VPS8: variants seen among roughly 807,000 people sequenced by gnomAD.
VPS8 encodes VPS8 subunit of CORVET complex.
In VPS8, 129 loss-of-function variants were observed where a neutral mutation model predicts 216.4. The ratio of observed to expected loss-of-function variants is 0.60; its 90% CI spans 0.52 to 0.69. The LOEUF is 0.69. VPS8 is among the 30% of genes least tolerant of loss of function. The probability of loss-of-function intolerance (pLI) is 0.00; values close to 1 mark genes in which losing one functional copy is unlikely to be tolerated. For missense variants in VPS8, 1,531 were observed against 1,683.5 expected, an observed-to-expected ratio of 0.91 and a Z score of 1.59; for synonymous variants, 571 against 565.4, an observed-to-expected ratio of 1.01 and a Z score of -0.14.
chr3:184,829,938 C>T (rs906140689), intron 3 of VPS8, among the ~76,000 whole-genome samples: 3 of 151,864 alleles, frequency 2.0e-5, no homozygotes, highest in African/African-American at 2.4e-5. Context: ...CATATTTTAT[C>T]TTCTTTCTTT....
chr3:184,815,393 A>G (rs1175834084), intron 1 of VPS8, among the ~76,000 whole-genome samples: 1 of 152,174 alleles, frequency 6.6e-6, no homozygotes, highest in East Asian at 1.9e-4. Context: ...CAGCTGTGAC[A>G]TCACTGGGCT....
intron 1 of VPS8, among the ~76,000 whole-genome samples, chr3:184,814,667 G>A (rs528465613): frequency 3.3e-5 from 5 of 152,340 alleles, no homozygotes; most frequent in South Asian, 2.1e-4. Flanking sequence ...TACCATGGAT[G>A]GAGTTTGCAG....
At chr3:184,892,820 A>G (rs1732619764) in intron 22 of VPS8, among the ~76,000 whole-genome samples, 1 of 152,130 alleles carries the variant, frequency 6.6e-6, no homozygotes, top group Non-Finnish European at 1.5e-5. Flanking sequence ...TCTCTCCCCA[A>G]GGCTTTTTGT....
At chr3:184,876,823 C>G (rs540471483) in intron 21 of VPS8, among the ~76,000 whole-genome samples, 88 of 152,286 alleles carry the variant, frequency 5.8e-4, no homozygotes, top group Middle Eastern at 6.8e-3. Flanking sequence ...TTATAGAATT[C>G]TCCAAATCGA....
At chr3:184,849,285 C>T (rs1015046445) in intron 9 of VPS8, 90 bp downstream of exon 9, 18 of 1,440,748 alleles carry the variant, frequency 1.2e-5, no homozygotes, top group Admixed American at 1.1e-4. Context: ...GACCAAAATA[C>T]GTGTTATGAA....
At chr3:184,985,953 G>A (rs1219638943) in intron 42 of VPS8, among the ~76,000 whole-genome samples, 1 of 152,194 alleles carries the variant, frequency 6.6e-6, no homozygotes, top group East Asian at 1.9e-4. Flanking sequence ...GGGAGAAAAA[G>A]CTGATGCACA....
At chr3:184,869,551 TA>T in intron 20 of VPS8, 23 bp downstream of exon 20, 1 of 1,611,644 alleles carries the variant, frequency 6.2e-7, no homozygotes, top group African/African-American at 1.3e-5. Flanking sequence ...AGAGGGTCTT[TA>T]CTAGAATACA....
intron 45 of VPS8, among the ~76,000 whole-genome samples, chr3:185,017,646 G>A (rs370435195): frequency 2.0e-5 from 3 of 152,138 alleles, no homozygotes; most frequent in South Asian, 2.1e-4. Context: ...TAATCCTATC[G>A]TCCCCGCTGG....
chr3:184,852,520 T>C lies in VPS8; in HGVS notation c.774T>C (p.Leu258=). The C allele has an allele frequency of 6.2e-7, 1 of 1,613,666 alleles. No homozygotes were observed. ...TTTAGTTTACAGATGATCCAACTCTTGCAATTTGCAACGACAGCGGAGGCT... is the reference window on the plus strand; with the variant it reads ...TTTAGTTTACAGATGATCCAACTCTCGCAATTTGCAACGACAGCGGAGGCT... ...LHIKFTDDPT[L]AICNDSGGSV... The change falls in exon 11 of 48, where the codon CTT becomes CTC. Residue 258 remains leucine (L), a synonymous_variant. Transcript: ENST00000625842.
intron 46 of VPS8, among the ~76,000 whole-genome samples, chr3:185,024,709 G>A (rs573908248): frequency 6.6e-6 from 1 of 152,262 alleles, no homozygotes; most frequent in Admixed American, 6.5e-5. Flanking sequence ...TCTTAATAAT[G>A]TGCTTTACTT....
At chr3:185,041,907 T>A (rs1711726809) in intron 46 of VPS8, among the ~76,000 whole-genome samples, 1 of 152,170 alleles carries the variant, frequency 6.6e-6, no homozygotes, top group Non-Finnish European at 1.5e-5. Flanking sequence ...ATTGGGCATG[T>A]TTGGGAAACA....
At chr3:184,980,341 G>A (rs1577050999) in intron 40 of VPS8, among the ~76,000 whole-genome samples, 1 of 152,168 alleles carries the variant, frequency 6.6e-6, no homozygotes, top group South Asian at 2.1e-4. Context: ...GCTTCTCAAG[G>A]TCAAGAACCT....
At chr3:184,911,737 G>A (rs184481958) in intron 25 of VPS8, among the ~76,000 whole-genome samples, 7 of 152,278 alleles carry the variant, frequency 4.6e-5, no homozygotes, top group African/African-American at 1.7e-4. Flanking sequence ...GAGAAAGCTG[G>A]ACGAGCTCCA....
intron 36 of VPS8, among the ~76,000 whole-genome samples, chr3:184,941,216 G>A (rs937601558): frequency 8.8e-5 from 7 of 79,402 alleles, no homozygotes; most frequent in Non-Finnish European, 2.3e-4. Flanking sequence ...AATTTTGTTG[G>A]TTGTAAAATT....
chr3:184,964,443 A>C, intron 37 of VPS8, 25 bp from the exon 38 acceptor site: 2 of 1,407,666 alleles, frequency 1.4e-6, no homozygotes, highest in Non-Finnish European at 1.9e-6. Context: ...GGTGAATAAA[A>C]ATATTTATCT....
At chr3:184,814,324 C>T (rs867464416) in intron 1 of VPS8, among the ~76,000 whole-genome samples, 17 of 152,342 alleles carry the variant, frequency 1.1e-4, no homozygotes, top group African/African-American at 3.6e-4. Context: ...TCCCTATCTC[C>T]TCTGCAACTG....
At chr3:184,839,805 T>G in intron 7 of VPS8, 53 bp downstream of exon 7, 1 of 1,552,492 alleles carries the variant, frequency 6.4e-7, no homozygotes, top group Non-Finnish European at 8.7e-7. Flanking sequence ...CTTTTGGGTT[T>G]TATAATGTCC....
At chr3:184,881,345 G>T (rs1347846985) in intron 21 of VPS8, among the ~76,000 whole-genome samples, 1 of 152,074 alleles carries the variant, frequency 6.6e-6, no homozygotes, top group African/African-American at 2.4e-5. Flanking sequence ...TGAGGTCGAA[G>T]TTCCTTTGTG....
intron 31 of VPS8, among the ~76,000 whole-genome samples, chr3:184,927,036 A>G (rs893214959): frequency 3.9e-5 from 6 of 152,140 alleles, no homozygotes; most frequent in African/African-American, 1.4e-4. Context: ...GACATACCTA[A>G]TTTTTGAGAG....
Sources: gnomAD v4.1 joint callset for allele counts (sites outside exome capture counted in the v4.1 genomes callset) on GRCh38, gnomAD v4.1.1 for gene constraint, MANE v1.5 for transcripts, NCBI Gene and HGNC (gene_info 2026-07-23, HGNC 2026-07-21) for gene names.